The following EPHA6 variants were observed in gnomAD, a reference collection of about 807,000 sequenced individuals.
EPHA6 encodes the protein EPH receptor A6.
Under a neutral mutation model 112.0 loss-of-function variants are expected in EPHA6, and 50 were observed. The ratio of observed to expected loss-of-function variants is 0.45; its 90% confidence interval spans 0.36 to 0.56. The LOEUF (loss-of-function observed/expected upper bound fraction) is 0.56. Ranked by LOEUF, EPHA6 falls within the 20% of genes least tolerant of loss-of-function variation. The pLI is 0.00. For synonymous variants in EPHA6, 529 were observed against 490.7 expected, an observed-to-expected ratio of 1.08 and a Z score of -1.03; for missense variants, 1,280 against 1,417.4, an observed-to-expected ratio of 0.90 and a Z score of 1.56.
At chr3:97,333,080 T>C (rs2082878377) in intron 5 of EPHA6, among the ~76,000 whole-genome samples, 2 of 152,134 alleles carry the variant, frequency 1.3e-5, no homozygotes, top group Admixed American at 1.3e-4. Flanking sequence ...TGAGTCTTCC[T>C]AGTTACCTGT....
At chr3:97,348,884 C>T (rs918732254) in intron 5 of EPHA6, among the ~76,000 whole-genome samples, 9 of 151,968 alleles carry the variant, frequency 5.9e-5, no homozygotes, top group African/African-American at 1.9e-4. Flanking sequence ...GTCGACATGA[C>T]GGTTCTTCTT....
intron 5 of EPHA6, among the ~76,000 whole-genome samples, chr3:97,285,445 A>G (rs1443813853): frequency 4.6e-5 from 7 of 152,006 alleles, no homozygotes; most frequent in Admixed American, 4.6e-4. Flanking sequence ...AATTTTTTAA[A>G]CTTCCACATA....
chr3:97,664,562 C>G (rs1037549449), intron 14 of EPHA6, among the ~76,000 whole-genome samples: 1 of 152,082 alleles, frequency 6.6e-6, no homozygotes, highest in Non-Finnish European at 1.5e-5. Context: ...GATTGTATAT[C>G]TAGAAAACCC....
At chr3:97,645,322 A>C (rs2094049498) in intron 14 of EPHA6, among the ~76,000 whole-genome samples, 1 of 146,232 alleles carries the variant, frequency 6.8e-6, no homozygotes, top group African/African-American at 2.6e-5. Context: ...ACACCATGGA[A>C]TACTATGCAG....
At position 97,226,343 on chromosome 3, in the gene EPHA6, G is replaced by A; in HGVS notation, c.1194G>A (p.Met398Ile). 6.2e-7 allele frequency: 1 copy of A among 1,613,724 alleles called. No individual in the cohort carries two copies. Among genetic ancestry groups the A allele is most frequent in the South Asian group, 1.1e-5 (1 of 91,066 alleles). Residue 398 changes from methionine to isoleucine, a missense_variant, in exon 4 of 18, where the codon ATG (methionine) becomes ATA (isoleucine). By Grantham distance (10) the Met-to-Ile change is conservative (BLOSUM62 1). This residue lies in a region of EPHA6 where 878 missense variants were observed against 999.7 expected (regional missense o/e 0.88). Transcript: ENST00000389672. ...SKCPPHSLTY[M>I]EATSVCQCEK... is the part of the protein sequence containing the mutation. ...GTCCTCCACACAGTTTAACATACAT[G>A]GAAGCAACTTCTGTCTGTCAGTGTG...
chr3:97,299,113 G>C (rs1322099527), intron 5 of EPHA6, among the ~76,000 whole-genome samples: 1 of 151,712 alleles, frequency 6.6e-6, no homozygotes, highest in Non-Finnish European at 1.5e-5. Context: ...TAATGATATA[G>C]TCTACCAAAC....
rs1198201726 is a variant in EPHA6 at position 97,095,693 on chromosome 3, G to A, written c.1114+107700G>A. The stretch of plus-strand genomic sequence containing the variant: ...GAGGGAAAGTGGTGTGTGTAACTCT[G>A]GGATATATCCTTAGAGCAGTAGTTC... On this transcript the variant is annotated intron_variant, in intron 3 of 17. Transcript: ENST00000389672. 2.0e-5 allele frequency among the ~76,000 whole-genome samples: 3 copies of A among 151,802 alleles called. No homozygotes were observed. The East Asian group carries it at 5.8e-4, about 30-fold the overall frequency.
At chr3:96,914,944 TAAA>T (rs200924601) in intron 2 of EPHA6, among the ~76,000 whole-genome samples, 1 of 151,766 alleles carries the variant, frequency 6.6e-6, no homozygotes, top group African/African-American at 2.4e-5. Context: ...ATGTTAGTGA[TAAA>T]AAAACTTTTA....
intron 5 of EPHA6, among the ~76,000 whole-genome samples, chr3:97,305,547 A>G (rs1220315534): frequency 3.9e-5 from 6 of 152,006 alleles, no homozygotes; most frequent in Non-Finnish European, 8.8e-5. Context: ...ATAAAAAGGA[A>G]TGATAACATG....
intron 14 of EPHA6, among the ~76,000 whole-genome samples, chr3:97,686,137 A>G (rs2032232276): frequency 6.6e-6 from 1 of 152,184 alleles, no homozygotes; most frequent in South Asian, 2.1e-4. Flanking sequence ...TTATAAATGA[A>G]TATAACTATT....
intron 3 of EPHA6, among the ~76,000 whole-genome samples, chr3:97,133,316 T>G (rs575803931): frequency 2.6e-5 from 4 of 152,174 alleles, no homozygotes; most frequent in African/African-American, 9.6e-5. Context: ...CAACAAGGTT[T>G]TTTAAGATAT....
At chr3:97,440,567 C>T (rs2090084722) in intron 6 of EPHA6, among the ~76,000 whole-genome samples, 1 of 151,072 alleles carries the variant, frequency 6.6e-6, no homozygotes, top group Non-Finnish European at 1.5e-5. Flanking sequence ...AAACCCACCA[C>T]ATCTCCAATC....
intron 3 of EPHA6, among the ~76,000 whole-genome samples, chr3:97,218,537 G>A (rs1383478118): frequency 2.0e-5 from 3 of 152,088 alleles, no homozygotes; most frequent in Non-Finnish European, 4.4e-5. Context: ...ATCAGATCTT[G>A]TAAGAAGTCA....
At chr3:97,239,982 C>A (rs1376977331) in intron 4 of EPHA6, among the ~76,000 whole-genome samples, 1 of 151,718 alleles carries the variant, frequency 6.6e-6, no homozygotes, top group Non-Finnish European at 1.5e-5. Flanking sequence ...GACTGCATAA[C>A]CTTAATGTAA....
chr3:96,907,816 C>A, intron 2 of EPHA6, among the ~76,000 whole-genome samples: 1 of 151,544 alleles, frequency 6.6e-6, no homozygotes, highest in East Asian at 1.9e-4. Flanking sequence ...TTCATAGTAC[C>A]CTTCAAATAC....
intron 3 of EPHA6, among the ~76,000 whole-genome samples, chr3:97,020,825 T>C (rs183772084): frequency 6.6e-6 from 1 of 152,282 alleles, no homozygotes; most frequent in East Asian, 1.9e-4. Context: ...CTTAACCCAT[T>C]TATTATGCCT....
chr3:97,017,555 A>C (rs1219167876), intron 3 of EPHA6, among the ~76,000 whole-genome samples: 1 of 152,208 alleles, frequency 6.6e-6, no homozygotes, highest in Non-Finnish European at 1.5e-5. Context: ...TGAAACTTCT[A>C]GGTGAATCTA....
At chr3:97,698,335 G>A (rs2033168577) in intron 14 of EPHA6, among the ~76,000 whole-genome samples, 1 of 151,798 alleles carries the variant, frequency 6.6e-6, no homozygotes, top group Non-Finnish European at 1.5e-5. Context: ...TACTAATAAA[G>A]AAATAGACAT....
rs1196912652 is a variant in EPHA6 at position 97,751,038 on chromosome 3, A to T, written c.*2337A>T. On this transcript the variant is annotated 3_prime_UTR_variant, in exon 18 of 18. Coordinates refer to ENST00000389672, the MANE Select transcript of EPHA6 (RefSeq NM_001080448.3). ...ATTTACCTATCTTCAAATATATATT[A>T]AATAAGAACAGATATAAAACAGATT... 6.6e-6 allele frequency among the ~76,000 whole-genome samples: 1 copy of T among 152,140 alleles called. No individual in the cohort carries two copies. The highest frequency in any genetic ancestry group is 1.5e-5 in the Non-Finnish European group (1 of 68,008).
Sources: gnomAD v4.1 joint callset for allele counts (sites outside exome capture counted in the v4.1 genomes callset) on GRCh38, gnomAD v4.1.1 for gene constraint, gnomAD v4.1.1 regional missense constraint, MANE v1.5 for transcripts, NCBI Gene and HGNC (gene_info 2026-07-23, HGNC 2026-07-21) for gene names.